MAGI1: variants seen among roughly 807,000 people sequenced by gnomAD.
The protein encoded by MAGI1 is membrane associated guanylate kinase, WW and PDZ domain containing 1.
MAGI1 carries 58 observed loss-of-function variants against 139.9 expected under a neutral mutation model. The ratio of observed to expected loss-of-function variants is 0.41; its 90% CI spans 0.34 to 0.52. MAGI1 has a LOEUF of 0.52. Among genes scored for constraint, MAGI1 ranks in the 20% least tolerant of loss-of-function variants. The pLI is 0.12. For synonymous variants in MAGI1, 812 were observed against 737.9 expected, an observed-to-expected ratio of 1.10 and a Z score of -1.63; for missense variants, 1,874 against 1,901.6, an observed-to-expected ratio of 0.99 and a Z score of 0.27.
intron 1 of MAGI1, among the ~76,000 whole-genome samples, chr3:65,836,030 C>G (rs1018302229): frequency 6.6e-6 from 1 of 152,138 alleles, no homozygotes; most frequent in Non-Finnish European, 1.5e-5. Flanking sequence ...GACCCAATGT[C>G]AAGGCACAAG....
chr3:65,936,012 C>T (rs1157159429), intron 1 of MAGI1, among the ~76,000 whole-genome samples: 3 of 152,230 alleles, frequency 2.0e-5, no homozygotes, highest in African/African-American at 7.2e-5. Flanking sequence ...AAATGATGAG[C>T]AATAACAAAT....
chr3:65,736,803 T>G (rs1417926872), intron 1 of MAGI1, among the ~76,000 whole-genome samples: 1 of 152,210 alleles, frequency 6.6e-6, no homozygotes, highest in East Asian at 1.9e-4. Context: ...TGCAAACCTC[T>G]TCCAGAAACA....
chr3:65,595,059 G>T (rs959439800), intron 2 of MAGI1, among the ~76,000 whole-genome samples: 15 of 152,080 alleles, frequency 9.9e-5, no homozygotes, highest in Non-Finnish European at 1.6e-4. Context: ...TTCAATAACT[G>T]GTGTCAATTA....
intron 1 of MAGI1, among the ~76,000 whole-genome samples, chr3:65,650,991 G>C (rs2085544651): frequency 6.6e-6 from 1 of 152,120 alleles, no homozygotes; most frequent in South Asian, 2.1e-4. Flanking sequence ...GTCAAAGTCT[G>C]AATGAAAATA....
At chr3:65,395,462 T>A (rs989810629) in intron 13 of MAGI1, among the ~76,000 whole-genome samples, 1 of 150,134 alleles carries the variant, frequency 6.7e-6, no homozygotes, top group African/African-American at 2.4e-5. Flanking sequence ...GCCAACATGG[T>A]GAAACTCCAT....
At chr3:65,907,493 A>T (rs2061486080) in intron 1 of MAGI1, 1 of 152,232 alleles carries the variant, frequency 6.6e-6, no homozygotes, top group Admixed American at 6.5e-5. Context: ...ACAACAACTC[A>T]GCCAGTAAAG....
At chr3:65,488,819 A>G (rs1289940271) in intron 3 of MAGI1, among the ~76,000 whole-genome samples, 1 of 151,110 alleles carries the variant, frequency 6.6e-6, no homozygotes, top group Non-Finnish European at 1.5e-5. Context: ...TTACAGGTGC[A>G]CGCCACCGTG....
intron 1 of MAGI1, among the ~76,000 whole-genome samples, chr3:65,680,908 T>C (rs550001336): frequency 6.6e-6 from 1 of 152,336 alleles, no homozygotes; most frequent in Admixed American, 6.5e-5. Flanking sequence ...TGAGTTTTTC[T>C]TGTAATGGGA....
intron 16 of MAGI1, among the ~76,000 whole-genome samples, chr3:65,380,334 T>C (rs188366509): frequency 7.9e-5 from 12 of 152,348 alleles, no homozygotes; most frequent in Admixed American, 7.2e-4. Flanking sequence ...TCTCTTTTCA[T>C]AGATTGTTTT....
intron 1 of MAGI1, among the ~76,000 whole-genome samples, chr3:65,998,886 A>C (rs1367562899): frequency 6.6e-6 from 1 of 151,970 alleles, no homozygotes; most frequent in Non-Finnish European, 1.5e-5. Flanking sequence ...CCATTACTTG[A>C]AACATTTAAT....
At chr3:66,015,971 T>C (rs952832593) in intron 1 of MAGI1, among the ~76,000 whole-genome samples, 1 of 152,204 alleles carries the variant, frequency 6.6e-6, no homozygotes, top group Non-Finnish European at 1.5e-5. Context: ...ACAGTATACT[T>C]AGAATGTGTT....
chr3:65,985,533 AT>A (rs1304222834), intron 1 of MAGI1, among the ~76,000 whole-genome samples: 1 of 152,232 alleles, frequency 6.6e-6, no homozygotes, highest in Non-Finnish European at 1.5e-5. Context: ...ACTCCAAAAG[AT>A]TACATGGAAT....
intron 1 of MAGI1, among the ~76,000 whole-genome samples, chr3:65,740,969 T>G (rs1264796968): frequency 6.6e-6 from 1 of 152,188 alleles, no homozygotes; most frequent in East Asian, 1.9e-4. Flanking sequence ...GATTTACTGT[T>G]TTTGTAATGG....
intron 1 of MAGI1, among the ~76,000 whole-genome samples, chr3:65,763,928 C>T (rs540749250): frequency 1.3e-5 from 2 of 151,580 alleles, no homozygotes; most frequent in Middle Eastern, 6.8e-3. Context: ...AAAAATTAGC[C>T]AGGTGTGGTC....
chr3:65,545,521 G>C (rs756036600), intron 2 of MAGI1, among the ~76,000 whole-genome samples: 3 of 152,146 alleles, frequency 2.0e-5, no homozygotes, highest in African/African-American at 7.2e-5. Flanking sequence ...AGGCCAGGAA[G>C]TACCCATAGT....
intron 1 of MAGI1, among the ~76,000 whole-genome samples, chr3:65,755,242 T>G (rs2036473722): frequency 6.6e-6 from 1 of 152,052 alleles, no homozygotes; most frequent in South Asian, 2.1e-4. Flanking sequence ...GCCACCGCGC[T>G]CGGCCACAAA....
chr3:65,696,488 C>T (rs568030460), intron 1 of MAGI1, among the ~76,000 whole-genome samples: 1 of 152,190 alleles, frequency 6.6e-6, no homozygotes, highest in African/African-American at 2.4e-5. Flanking sequence ...AAGGAGTCCC[C>T]ATTAAATATT....
intron 1 of MAGI1, among the ~76,000 whole-genome samples, chr3:65,968,496 C>G (rs2064865586): frequency 6.6e-6 from 1 of 151,888 alleles, no homozygotes; most frequent in African/African-American, 2.4e-5. Context: ...TAAAATGTAG[C>G]TGTAAACGTG....
chr3:65,815,212 T>C (rs1195354777), intron 1 of MAGI1, among the ~76,000 whole-genome samples: 1 of 152,172 alleles, frequency 6.6e-6, no homozygotes, highest in East Asian at 1.9e-4. Context: ...AGTCTGACAA[T>C]TCTGGGGCCC....
Sources: allele counts gnomAD v4.1 joint callset (sites outside exome capture counted in the v4.1 genomes callset), GRCh38; gene constraint gnomAD v4.1.1; transcripts MANE v1.5; gene names NCBI Gene and HGNC (gene_info 2026-07-23, HGNC 2026-07-21).